TSKU: variants seen among roughly 807,000 people sequenced by gnomAD.
TSKU encodes the protein tsukushi.
A neutral mutation model predicts 11.2 loss-of-function variants in TSKU; 4 were observed. The ratio of observed to expected loss-of-function variants is 0.36; its 90% confidence interval spans 0.18 to 0.82. TSKU has a LOEUF of 0.82. Ranked by LOEUF, TSKU falls within the 40% of genes least tolerant of loss-of-function variation. TSKU has a pLI of 0.50. For synonymous variants in TSKU, 220 were observed against 232.2 expected (o/e 0.95, Z 0.48); for missense variants, 407 against 482.5 (o/e 0.84, Z 1.47).
chr11:76,787,151 C>T (rs1399801763), intron 1 of TSKU, among the ~76,000 whole-genome samples: 1 of 152,144 alleles, frequency 6.6e-6, no homozygotes, highest in Middle Eastern at 3.2e-3. Flanking sequence ...GGTGAGGGCA[C>T]GAGCAAGCCT....
intron 1 of TSKU, among the ~76,000 whole-genome samples, chr11:76,788,598 T>C (rs1048168034): frequency 1.3e-5 from 2 of 152,184 alleles, no homozygotes; most frequent in Admixed American, 6.5e-5. Flanking sequence ...GTGTAGCAGA[T>C]AGTGAGTGGA....
At chr11:76,789,452 G>A (rs570963734) in intron 1 of TSKU, among the ~76,000 whole-genome samples, 1 of 152,310 alleles carries the variant, frequency 6.6e-6, no homozygotes, top group South Asian at 2.1e-4. Flanking sequence ...TGTCACCTGG[G>A]GAGACCTGCC....
chr11:76,796,574 G>C lies in TSKU; in HGVS notation c.958G>C (p.Val320Leu), dbSNP rs757427379. 5 of 1,566,830 alleles carry C rather than the reference G, an allele frequency of 3.2e-6. No individual in the cohort carries two copies. In the East Asian group the frequency reaches 9.2e-5, roughly 29 times the overall value. ...CCAGGATGTGCGGTGCCGGCGCCTG[G>C]TGCGGGAGGGCACCTACCCCCGGAG... ...VGQDVRCRRL[V>L]REGTYPRRPG... Residue 320 changes from valine (V) to leucine (L), a missense_variant, in exon 2 of 2, where the codon GTG (valine) becomes CTG (leucine). Transcript: ENST00000333090. This position sits in a 1 kb window ranked among gnomAD's most constrained non-coding sequence, Gnocchi z 4.1.
intron 1 of TSKU, among the ~76,000 whole-genome samples, chr11:76,785,596 G>T (rs532227297): frequency 6.6e-6 from 1 of 152,186 alleles, no homozygotes; most frequent in Non-Finnish European, 1.5e-5. Context: ...ACCAGCAGAC[G>T]CAAGGTCTTG....
chr11:76,783,935 C>T (rs1460104374), intron 1 of TSKU, among the ~76,000 whole-genome samples: 1 of 152,090 alleles, frequency 6.6e-6, no homozygotes, highest in Non-Finnish European at 1.5e-5. Flanking sequence ...CCCCTCGGGC[C>T]CACGACTTGG....
chr11:76,789,613 GATGGATGT>G (rs1199049614), intron 1 of TSKU, among the ~76,000 whole-genome samples: 1 of 152,230 alleles, frequency 6.6e-6, no homozygotes, highest in African/African-American at 2.4e-5. Context: ...CCAAATCACA[GATGGATGT>G]GGTTTCTAAG....
At chr11:76,790,629 C>A (rs1200017480) in intron 1 of TSKU, among the ~76,000 whole-genome samples, 1 of 152,162 alleles carries the variant, frequency 6.6e-6, no homozygotes, top group Admixed American at 6.5e-5. Flanking sequence ...TTGCTTCCTC[C>A]TCATTGTATC....
chr11:76,792,798 T>C (rs1944391567), intron 1 of TSKU: 1 of 153,960 alleles, frequency 6.5e-6, no homozygotes, highest in South Asian at 2.0e-4. Flanking sequence ...CTTTCTTTTG[T>C]AAATTGCCCA....
chr11:76,790,681 G>C (rs1039307724), intron 1 of TSKU, among the ~76,000 whole-genome samples: 4 of 152,174 alleles, frequency 2.6e-5, no homozygotes, highest in Non-Finnish European at 4.4e-5. Flanking sequence ...CCTCCGCCAT[G>C]ATTGTGAGAC....
intron 1 of TSKU, among the ~76,000 whole-genome samples, chr11:76,787,033 A>T (rs1311279380): frequency 7.9e-5 from 12 of 152,104 alleles, no homozygotes; most frequent in African/African-American, 2.7e-4. Flanking sequence ...GAATACCAAC[A>T]TGTGCCAGGC....
intron 1 of TSKU, among the ~76,000 whole-genome samples, chr11:76,789,451 G>A (rs1207921549): frequency 1.3e-5 from 2 of 152,174 alleles, no homozygotes; most frequent in African/African-American, 4.8e-5. Flanking sequence ...GTGTCACCTG[G>A]GGAGACCTGC....
chr11:76,789,666 G>A (rs957264735), intron 1 of TSKU, among the ~76,000 whole-genome samples: 5 of 152,178 alleles, frequency 3.3e-5, no homozygotes, highest in African/African-American at 9.7e-5. Flanking sequence ...TTATAATCTG[G>A]TCAATCAGTG....
chr11:76,795,118 G>A (rs1944422599), intron 1 of TSKU, among the ~76,000 whole-genome samples: 1 of 152,182 alleles, frequency 6.6e-6, no homozygotes, highest in Admixed American at 6.5e-5. Context: ...AGAGAGTGGG[G>A]CACCCTGGGC....
chr11:76,783,277 G>C (rs1031655151), upstream of TSKU: 90 of 150,408 alleles, frequency 6.0e-4, no homozygotes, highest in East Asian at 1.8e-3. Context: ...CGCCCGGCAG[G>C]GGGGAGCCTG....
chr11:76,794,363 T>C (rs1944413974), intron 1 of TSKU, among the ~76,000 whole-genome samples: 1 of 152,162 alleles, frequency 6.6e-6, no homozygotes, highest in South Asian at 2.1e-4. Context: ...ACTGTAATTG[T>C]ACAGAGGGAA....
chr11:76,790,120 A>G (rs1010193468), intron 1 of TSKU, among the ~76,000 whole-genome samples: 15 of 150,018 alleles, frequency 1.0e-4, no homozygotes, highest in Non-Finnish European at 2.1e-4. Flanking sequence ...AAACTTTAAA[A>G]TCCTGAAACT....
intron 1 of TSKU, among the ~76,000 whole-genome samples, chr11:76,788,807 G>T (rs188372226): frequency 2.6e-5 from 4 of 152,244 alleles, no homozygotes; most frequent in Admixed American, 1.3e-4. Flanking sequence ...GATCCCAGGT[G>T]GGGGAAAGAA....
Position 76,796,979 on chromosome 11 carries a change from T to G in TSKU, c.*301T>G. Reference sequence around the variant, plus strand: ...CTTATCCCCCAAGTGCCTTCCCTCATGCCTGGGCCGGCCTGACCCGCAATG... The same window carrying G: ...CTTATCCCCCAAGTGCCTTCCCTCAGGCCTGGGCCGGCCTGACCCGCAATG... On this transcript the variant is annotated 3_prime_UTR_variant, in exon 2 of 2. Transcript: ENST00000333090. The surrounding 1 kb of genome is among the most constrained non-coding windows in gnomAD (Gnocchi z 4.1). 8.7e-4 allele frequency: 182 copies of G among 208,680 alleles called. No homozygotes were observed. Among genetic ancestry groups the G allele is most frequent in the East Asian group, 1.5e-3 (13 of 8,538 alleles). 12.9% of individuals were successfully genotyped at this position (208,680 alleles called of 1,614,324 possible).
intron 1 of TSKU, among the ~76,000 whole-genome samples, chr11:76,789,151 C>T (rs1944340533): frequency 6.6e-6 from 1 of 152,230 alleles, no homozygotes; most frequent in African/African-American, 2.4e-5. Context: ...GGCCTTCCAG[C>T]TCCCAAGCCC....
Sources: allele counts gnomAD v4.1 joint callset (sites outside exome capture counted in the v4.1 genomes callset), GRCh38; gene constraint gnomAD v4.1.1; non-coding constraint Gnocchi (gnomAD v3.1); transcripts MANE v1.5; gene names NCBI Gene and HGNC (gene_info 2026-07-23, HGNC 2026-07-21).